The following DPY30 variants were observed in gnomAD, a reference collection of about 807,000 sequenced individuals.
DPY30 encodes the protein dpy-30 histone methyltransferase complex regulatory subunit.
A neutral mutation model predicts 16.2 loss-of-function variants in DPY30; 6 were observed. The ratio of observed to expected loss-of-function variants is 0.37; its 90% CI spans 0.20 to 0.73. The LOEUF (loss-of-function observed/expected upper bound fraction) is 0.73, where lower values mean the gene tolerates loss of function less well. Among genes scored for constraint, DPY30 ranks in the 30% least tolerant of loss-of-function variants. The pLI, the probability that DPY30 is intolerant of heterozygous loss-of-function variation, is 0.51. For synonymous variants in DPY30, 39 were observed against 38.8 expected (o/e 1.00, Z -0.02); for missense variants, 73 against 113.1 (o/e 0.65, Z 1.61).
chr2:32,031,350 GT>G (rs1315317852), intron 3 of DPY30, among the ~76,000 whole-genome samples: 1 of 150,670 alleles, frequency 6.6e-6, no homozygotes, highest in African/African-American at 2.4e-5. Flanking sequence ...AACCTGGGAG[GT>G]GAAGGTTGCA....
chr2:32,019,278 A>G (rs546503198), downstream of DPY30, among the ~76,000 whole-genome samples: 1 of 152,122 alleles, frequency 6.6e-6, no homozygotes, highest in East Asian at 2.0e-4. Flanking sequence ...TCACTTTTTC[A>G]TCTACTAGCT....
chr2:32,026,080 C>G (rs1675323249), intron 4 of DPY30, among the ~76,000 whole-genome samples: 1 of 152,022 alleles, frequency 6.6e-6, no homozygotes, highest in African/African-American at 2.4e-5. Flanking sequence ...TGTATTCCAG[C>G]TGGGGCAACA....
intron 4 of DPY30, among the ~76,000 whole-genome samples, chr2:32,029,132 C>T (rs999330519): frequency 5.9e-5 from 9 of 151,934 alleles, no homozygotes; most frequent in African/African-American, 1.9e-4. Flanking sequence ...ATTAGCCGGG[C>T]GTAGTGGCCC....
chr2:32,020,544 C>T (rs1675157047), downstream of DPY30, among the ~76,000 whole-genome samples: 1 of 151,920 alleles, frequency 6.6e-6, no homozygotes, highest in African/African-American at 2.4e-5. Context: ...TAAAATTAAA[C>T]CTACCCCAAA....
At chr2:32,038,180 G>A (rs1006068636) in intron 3 of DPY30, among the ~76,000 whole-genome samples, 2 of 143,582 alleles carry the variant, frequency 1.4e-5, no homozygotes, top group African/African-American at 5.3e-5. Context: ...TTATCACCCA[G>A]GATGGAGTGC....
rs1478791478 is a variant in DPY30, at chr2:32,023,915, A to T, written c.*269T>A. ...ACTACTTTAAAATAATGGTGTTTTG[A>T]CAGTTTATTTTGAAGGTCATTTTAA... On this transcript the variant is annotated 3_prime_UTR_variant, in exon 5 of 5. Coordinates refer to ENST00000342166, the MANE Select transcript of DPY30 (RefSeq NM_001321209.2). The T allele has an allele frequency of 2.3e-5, 31 of 1,353,834 alleles. No individual in the cohort carries two copies. Among genetic ancestry groups the T allele is most frequent in the Non-Finnish European group, 3.0e-5 (31 of 1,041,538 alleles). 83.9% of individuals were successfully genotyped at this position (1,353,834 alleles called of 1,614,324 possible).
intron 3 of DPY30, among the ~76,000 whole-genome samples, chr2:32,033,206 G>T (rs1300071282): frequency 6.6e-6 from 1 of 152,028 alleles, no homozygotes; most frequent in African/African-American, 2.4e-5. Flanking sequence ...CACTCGGGAG[G>T]CTGAGGCAGG....
Position 32,024,103 on chromosome 2 carries a change from G to A in DPY30, c.*81C>T, listed in dbSNP as rs573728423. 1.2e-4 allele frequency: 190 copies of A among 1,551,542 alleles called. No homozygotes were observed. The East Asian group carries it at 4.4e-3, about 36-fold the overall frequency. On this transcript the variant is annotated 3_prime_UTR_variant, in exon 5 of 5. Coordinates refer to ENST00000342166, the MANE Select transcript of DPY30 (RefSeq NM_001321209.2). ...AGGTTCTTATACATCCAAAAAGAGG[G>A]AATGATCATGGCAATTAAAGCTGCC...
chr2:32,018,119 G>A (rs985115827), intron 5 of DPY30, among the ~76,000 whole-genome samples: 4 of 151,950 alleles, frequency 2.6e-5, no homozygotes, highest in Admixed American at 6.6e-5. Context: ...TGTTATAGCA[G>A]GCCAGAAGGA....
intron 4 of DPY30, among the ~76,000 whole-genome samples, chr2:32,026,640 A>T (rs952349887): frequency 6.6e-6 from 1 of 151,940 alleles, no homozygotes; most frequent in African/African-American, 2.4e-5. Context: ...AAAATACAAA[A>T]ATTAGCCAGG....
At chr2:32,012,279 A>G (rs1000874182) in intron 5 of DPY30, among the ~76,000 whole-genome samples, 2 of 151,792 alleles carry the variant, frequency 1.3e-5, no homozygotes, top group Non-Finnish European at 2.9e-5. Flanking sequence ...TCTGACTCTC[A>G]TACCTTTTTC....
At chr2:32,036,189 G>T (rs1336675635) in intron 3 of DPY30, among the ~76,000 whole-genome samples, 1 of 151,526 alleles carries the variant, frequency 6.6e-6, no homozygotes, top group African/African-American at 2.4e-5. Context: ...TGTTGCCCAG[G>T]CTGGTCTTAA....
chr2:32,030,078 A>AT (rs1675476810), intron 3 of DPY30, among the ~76,000 whole-genome samples: 2 of 150,070 alleles, frequency 1.3e-5, no homozygotes, highest in South Asian at 2.1e-4. Flanking sequence ...AAAAAAAAAA[A>AT]AAAATAATGA....
At position 32,029,461 on chromosome 2, in the gene DPY30, G is replaced by A. The variant is rs531876978; in HGVS notation, c.227+133C>T. ...ATGTCTGAATTATGAGATTATGGCTGAATACTTTCTTAAAAACTTTAACAT... is the reference window on the plus strand; with the variant it reads ...ATGTCTGAATTATGAGATTATGGCTAAATACTTTCTTAAAAACTTTAACAT... On this transcript the variant is annotated intron_variant, in intron 4 of 4. Coordinates refer to ENST00000342166, the MANE Select transcript of DPY30 (RefSeq NM_001321209.2). 5.0e-5 allele frequency: 53 copies of A among 1,058,558 alleles called. No individual in the cohort carries two copies. The African/African-American group carries it at 8.0e-4, about 16-fold the overall frequency. The allele number at this position is 1,058,558 out of a possible 1,614,324, so 65.6% of individuals were successfully genotyped here. A position where few individuals can be genotyped will look rare whatever the true frequency, so the allele number is the denominator to read the frequency against.
downstream of DPY30, among the ~76,000 whole-genome samples, chr2:32,019,307 T>G (rs953958145): frequency 8.5e-5 from 13 of 152,078 alleles, no homozygotes; most frequent in African/African-American, 2.9e-4. Context: ...GGGACTAGTT[T>G]TTCCATCAAA....
At chr2:32,034,726 C>T (rs1470537576) in intron 3 of DPY30, among the ~76,000 whole-genome samples, 1 of 152,138 alleles carries the variant, frequency 6.6e-6, no homozygotes, top group African/African-American at 2.4e-5. Context: ...ACGCTGGCCA[C>T]GGTGACTCAC....
chr2:32,024,173 T>C lies in DPY30; in HGVS notation c.*11A>G. 2 of 1,609,542 alleles carry C rather than the reference T, an allele frequency of 1.2e-6. No individual in the cohort carries two copies. Among genetic ancestry groups the C allele is most frequent in the Non-Finnish European group, 8.5e-7 (1 of 1,177,904 alleles). On this transcript the variant is annotated 3_prime_UTR_variant, in exon 5 of 5. Transcript: ENST00000342166. ...CAGTAGCAACTAAATTTTTCTGTTC[T>C]TCCCATTAAGTCAGTTTCGATCTTC... is the stretch of plus-strand genomic sequence containing the variant.
chr2:32,036,523 T>A (rs1675745096), intron 3 of DPY30, among the ~76,000 whole-genome samples: 3 of 151,910 alleles, frequency 2.0e-5, no homozygotes, highest in Admixed American at 2.0e-4. Flanking sequence ...TACAAAAAAA[T>A]TAGCCGGGCA....
Position 32,031,569 on chromosome 2 carries a change from C to G in DPY30, c.85-1833G>C, listed in dbSNP as rs541689908. Among the ~76,000 whole-genome samples, 38 of 152,118 alleles carry G rather than the reference C, an allele frequency of 2.5e-4. No homozygotes were observed. In the South Asian group the frequency reaches 7.7e-3, roughly 31 times the overall value. ...CTGAGGTCATGCCACTGCACTCCAG[C>G]CTGGGTAACACAGCAAGATTCCGTC... On this transcript the variant is annotated intron_variant, in intron 3 of 4. Coordinates refer to ENST00000342166, the MANE Select transcript of DPY30 (RefSeq NM_001321209.2).
Sources: gnomAD v4.1 joint callset for allele counts (sites outside exome capture counted in the v4.1 genomes callset) on GRCh38, gnomAD v4.1.1 for gene constraint, MANE v1.5 for transcripts, NCBI Gene and HGNC (gene_info 2026-07-23, HGNC 2026-07-21) for gene names.